CLEC12A: variants seen among roughly 807,000 people sequenced by gnomAD.
CLEC12A encodes C-type lectin domain family 12 member A.
Under a neutral mutation model 26.5 loss-of-function variants are expected in CLEC12A, and 22 were observed. The observed-to-expected ratio is 0.83, with a 90% confidence interval of 0.59 to 1.19. The LOEUF (loss-of-function observed/expected upper bound fraction) is 1.19. Among genes scored for constraint, CLEC12A ranks in the 50% most tolerant of loss-of-function variants. The pLI, the probability that CLEC12A is intolerant of heterozygous loss-of-function variation, is 0.00. For synonymous variants in CLEC12A, 119 were observed against 101.9 expected (o/e 1.17, Z -1.01); for missense variants, 353 against 315.6 (o/e 1.12, Z -0.90).
the CLEC12A span, among the ~76,000 whole-genome samples, chr12:10,002,289 AG>A: frequency 6.6e-6 from 1 of 152,230 alleles, no homozygotes; most frequent in African/African-American, 2.4e-5. Flanking sequence ...TCTGTTTTAA[AG>A]GAAATATTTA....
chr12:9,972,785 G>A (rs1047240042), intron 1 of CLEC12A, among the ~76,000 whole-genome samples: 3 of 152,034 alleles, frequency 2.0e-5, no homozygotes, highest in Middle Eastern at 3.2e-3. Flanking sequence ...TTTTAATACT[G>A]AAATTTTTTT....
Position 9,971,467 on chromosome 12 carries a change from C to T in CLEC12A, c.-130C>T, listed in dbSNP as rs1375883237. ...GTAGGTTTATAAACAGAAGTTTAAA[C>T]TTGTAAGCTTAAGCTTCCGTTTATA... On this transcript the variant is annotated 5_prime_UTR_variant, in exon 1 of 6. Coordinates refer to ENST00000304361, the MANE Select transcript of CLEC12A (RefSeq NM_138337.6). The T allele has an allele frequency of 5.0e-6, 7 of 1,396,154 alleles. No individual in the cohort carries two copies. Among genetic ancestry groups the T allele is most frequent in the Non-Finnish European group, 6.5e-6 (7 of 1,077,180 alleles). 86.5% of individuals were successfully genotyped at this position (1,396,154 alleles called of 1,614,324 possible).
the CLEC12A span, among the ~76,000 whole-genome samples, chr12:10,004,269 G>C: frequency 6.6e-6 from 1 of 152,206 alleles, no homozygotes; most frequent in Non-Finnish European, 1.5e-5. Context: ...TTTTCTCAAG[G>C]GCAGAGGGCC....
downstream of CLEC12A, chr12:9,986,220 G>A: frequency 2.3e-6 from 1 of 433,236 alleles, no homozygotes; most frequent in Non-Finnish European, 4.7e-6. Flanking sequence ...AGAGCAATTT[G>A]TGCGTCAGAA....
the CLEC12A span, among the ~76,000 whole-genome samples, chr12:10,001,944 A>G: frequency 6.3e-5 from 9 of 142,052 alleles, no homozygotes; most frequent in East Asian, 1.9e-3. Flanking sequence ...CAGTGGCGCC[A>G]TCTTGGCTCA....
intron 1 of CLEC12A, among the ~76,000 whole-genome samples, chr12:9,958,816 A>G (rs935809005): frequency 9.2e-5 from 14 of 152,184 alleles, no homozygotes; most frequent in Non-Finnish European, 1.9e-4. Flanking sequence ...AGCAGGAGAC[A>G]AGATAGGGTA....
At chr12:9,959,079 C>G (rs1203750987) in intron 1 of CLEC12A, among the ~76,000 whole-genome samples, 21 of 152,280 alleles carry the variant, frequency 1.4e-4, no homozygotes, top group Non-Finnish European at 1.5e-5. Context: ...ACTCTTCCTC[C>G]CCAGTTCATC....
chr12:9,994,838 C>A (rs1410584985), intron 4 of CLEC12A, among the ~76,000 whole-genome samples: 3 of 151,878 alleles, frequency 2.0e-5, no homozygotes, highest in Non-Finnish European at 4.4e-5. Context: ...TGCGCGCACA[C>A]ACACACACAC....
chr12:9,975,723 A>T (rs1161900512), intron 1 of CLEC12A, among the ~76,000 whole-genome samples: 1 of 152,202 alleles, frequency 6.6e-6, no homozygotes, highest in Non-Finnish European at 1.5e-5. Flanking sequence ...GATAATCGCC[A>T]AGGCAATGGG....
chr12:9,983,335 T>C (rs1864635857), intron 5 of CLEC12A, among the ~76,000 whole-genome samples: 1 of 152,166 alleles, frequency 6.6e-6, no homozygotes, highest in Admixed American at 6.5e-5. Context: ...AAACTTCAGC[T>C]TAATATATCA....
At chr12:9,969,331 C>T (rs559431091), upstream of CLEC12A, among the ~76,000 whole-genome samples, 5 of 152,246 alleles carry the variant, frequency 3.3e-5, 1 homozygote, top group South Asian at 1.0e-3. Context: ...ACATTGTATA[C>T]AGGTTTCAAA....
chr12:9,966,594 T>C (rs1485973856), upstream of CLEC12A, among the ~76,000 whole-genome samples: 1 of 152,078 alleles, frequency 6.6e-6, no homozygotes. Context: ...CGTTTGGAAG[T>C]TCTTGCGTGC....
intron 4 of CLEC12A, chr12:9,993,055 A>T (rs1864927752): frequency 8.1e-7 from 1 of 1,238,986 alleles, no homozygotes; most frequent in African/African-American, 1.5e-5. Flanking sequence ...AGGGAGAAAT[A>T]AGCAATTTTC....
chr12:9,988,667 C>T (rs532406472), downstream of CLEC12A, among the ~76,000 whole-genome samples: 1 of 152,270 alleles, frequency 6.6e-6, no homozygotes, highest in Non-Finnish European at 1.5e-5. Flanking sequence ...CAATGAGATA[C>T]CATCCCACAC....
At chr12:9,991,697 G>A (rs1416703663) in intron 4 of CLEC12A, 1 of 152,048 alleles carries the variant, frequency 6.6e-6, no homozygotes, top group Non-Finnish European at 1.5e-5. Flanking sequence ...AGCGCACAAA[G>A]CTTTAAGAGT....
chr12:9,998,069 A>G (rs1746123), downstream of CLEC12A, among the ~76,000 whole-genome samples: 1 of 151,928 alleles, frequency 6.6e-6, no homozygotes, highest in African/African-American at 2.4e-5. Context: ...CTTAAAAATA[A>G]CTTTTCATTA....
chr12:9,990,120 G>A (rs1026669886), downstream of CLEC12A, among the ~76,000 whole-genome samples: 1 of 151,958 alleles, frequency 6.6e-6, no homozygotes, highest in African/African-American at 2.4e-5. Flanking sequence ...GACATGTACC[G>A]GGAGGTTAAT....
At chr12:9,965,598 G>A (rs1340427062) in intron 1 of CLEC12A, among the ~76,000 whole-genome samples, 1 of 152,020 alleles carries the variant, frequency 6.6e-6, no homozygotes, top group Non-Finnish European at 1.5e-5. Context: ...GAGATATTGA[G>A]GATAGGAGAG....
intron 1 of CLEC12A, among the ~76,000 whole-genome samples, chr12:9,961,627 T>C (rs1349303503): frequency 6.6e-6 from 1 of 152,180 alleles, no homozygotes; most frequent in East Asian, 1.9e-4. Flanking sequence ...TTACCGCTTA[T>C]ATTCTGTGTG....
Sources: allele counts gnomAD v4.1 joint callset (sites outside exome capture counted in the v4.1 genomes callset), GRCh38; gene constraint gnomAD v4.1.1; transcripts MANE v1.5; gene names NCBI Gene and HGNC (gene_info 2026-07-23, HGNC 2026-07-21).